The following STOX2 variants were observed in gnomAD, a reference collection of about 807,000 sequenced individuals.
STOX2 encodes the protein storkhead-box protein 2.
STOX2 carries 28 observed loss-of-function variants against 60.9 expected under a neutral mutation model. The observed-to-expected ratio is 0.46, with a 90% confidence interval of 0.34 to 0.63. STOX2 has a LOEUF of 0.63. Ranked by LOEUF, STOX2 falls within the 30% of genes least tolerant of loss-of-function variation. STOX2 has a pLI of 0.01. For synonymous variants in STOX2, 472 were observed against 463.9 expected (o/e 1.02, Z -0.22); for missense variants, 1,024 against 1,187.7 (o/e 0.86, Z 2.03).
chr4:183,925,656 T>C (rs1488728249), intron 1 of STOX2, among the ~76,000 whole-genome samples: 6 of 152,244 alleles, frequency 3.9e-5, no homozygotes, highest in Non-Finnish European at 8.8e-5. Flanking sequence ...AATGTTCCAC[T>C]AGACAATGTA....
chr4:183,996,182 A>G (rs1007506625), intron 1 of STOX2, among the ~76,000 whole-genome samples: 2 of 152,252 alleles, frequency 1.3e-5, no homozygotes, highest in Non-Finnish European at 2.9e-5. Context: ...TAGATTTGAC[A>G]AAAGTCCTCT....
intron 3 of STOX2, chr4:184,015,446 C>CTT (rs1314659902): frequency 6.6e-6 from 1 of 151,832 alleles, no homozygotes; most frequent in Non-Finnish European, 1.5e-5. Context: ...TGACTTCTCC[C>CTT]TATAAATGGA....
At chr4:183,823,667 G>GC (rs1260958469) in intron 1 of STOX2, among the ~76,000 whole-genome samples, 1 of 152,158 alleles carries the variant, frequency 6.6e-6, no homozygotes, top group Non-Finnish European at 1.5e-5. Context: ...ATAGCTCTGG[G>GC]CCCGAGAGAC....
At chr4:183,912,738 T>C (rs1741816491) in intron 1 of STOX2, among the ~76,000 whole-genome samples, 2 of 152,104 alleles carry the variant, frequency 1.3e-5, no homozygotes, top group African/African-American at 4.8e-5. Context: ...CTTATTCACA[T>C]CTCTATTTTG....
At chr4:183,917,237 T>C (rs922986822) in intron 1 of STOX2, among the ~76,000 whole-genome samples, 1 of 152,216 alleles carries the variant, frequency 6.6e-6, no homozygotes, top group Admixed American at 6.5e-5. Context: ...CAGGGGTTGA[T>C]GGAAGGAAGC....
chr4:183,955,545 T>C (rs1009300707), intron 1 of STOX2, among the ~76,000 whole-genome samples: 3 of 152,182 alleles, frequency 2.0e-5, no homozygotes, highest in Admixed American at 1.3e-4. Context: ...TCGGGACTAG[T>C]AGCTTTTAAG....
intron 1 of STOX2, among the ~76,000 whole-genome samples, chr4:183,958,274 A>T (rs1743313107): frequency 6.6e-6 from 1 of 152,130 alleles, no homozygotes; most frequent in South Asian, 2.1e-4. Flanking sequence ...CAGTGGACGG[A>T]GCTAGGAGAA....
intron 1 of STOX2, among the ~76,000 whole-genome samples, chr4:183,981,325 C>A (rs534764536): frequency 6.6e-6 from 1 of 152,004 alleles, no homozygotes; most frequent in East Asian, 1.9e-4. Context: ...AATTTCAGGG[C>A]GTCTTCACAG....
intron 1 of STOX2, among the ~76,000 whole-genome samples, chr4:183,930,316 C>T (rs1260146058): frequency 6.6e-6 from 1 of 151,922 alleles, no homozygotes; most frequent in East Asian, 1.9e-4. Flanking sequence ...CAGACGTGCG[C>T]CACCAAGCCC....
At position 183,991,638 on chromosome 4, in the gene STOX2, A is replaced by G. The variant is rs560422699; in HGVS notation, c.167-9687A>G. On this transcript the variant is annotated intron_variant, in intron 1 of 3. Coordinates refer to ENST00000308497, the MANE Select transcript of STOX2 (RefSeq NM_020225.3). The stretch of plus-strand genomic sequence containing the variant: ...GTGATGGGGTTTCTCCATGTTGGCC[A>G]GGCTGGTCTTGAACTCCTGACCTGA... 2.0e-5 allele frequency among the ~76,000 whole-genome samples: 3 copies of G among 152,282 alleles called. No individual in the cohort carries two copies. The South Asian group carries it at 6.2e-4, about 32-fold the overall frequency.
intron 1 of STOX2, among the ~76,000 whole-genome samples, chr4:183,861,467 AG>A (rs1299801093): frequency 6.6e-6 from 1 of 152,202 alleles, no homozygotes; most frequent in Non-Finnish European, 1.5e-5. Context: ...GAGAGCCTCT[AG>A]GGAGAGACAA....
chr4:183,973,668 G>T (rs917439659), intron 1 of STOX2, among the ~76,000 whole-genome samples: 2 of 152,180 alleles, frequency 1.3e-5, no homozygotes, highest in Non-Finnish European at 2.9e-5. Flanking sequence ...AGTAATACCT[G>T]AGTAAATATA....
chr4:184,013,318 ACTTGGGGTG>A (rs1734237296), intron 3 of STOX2, among the ~76,000 whole-genome samples: 1 of 152,226 alleles, frequency 6.6e-6, no homozygotes, highest in Admixed American at 6.5e-5. Context: ...CTATCTCTAA[ACTTGGGGTG>A]CAGAATATAG....
intron 1 of STOX2, among the ~76,000 whole-genome samples, chr4:183,919,381 C>T (rs1038074104): frequency 2.6e-5 from 4 of 152,086 alleles, no homozygotes; most frequent in African/African-American, 9.7e-5. Context: ...TGGGACTGGC[C>T]GTGGGCCAGC....
chr4:183,948,232 A>AAC (rs1241968428), intron 1 of STOX2, among the ~76,000 whole-genome samples: 2 of 150,554 alleles, frequency 1.3e-5, no homozygotes, highest in Non-Finnish European at 3.0e-5. Flanking sequence ...AAAAAAAAAA[A>AAC]AAAAAAAAAA....
chr4:183,823,398 A>T (rs6839992), intron 1 of STOX2, among the ~76,000 whole-genome samples: 6,365 of 152,296 alleles, frequency 0.042, 461 homozygotes, highest in African/African-American at 0.15. Flanking sequence ...CTCCGTCTAA[A>T]AACAAAACAA....
chr4:183,914,396 C>T (rs904552334), intron 1 of STOX2, among the ~76,000 whole-genome samples: 5 of 151,998 alleles, frequency 3.3e-5, no homozygotes, highest in African/African-American at 1.2e-4. Flanking sequence ...CGAGATTGTG[C>T]CACTGCACTC....
At chr4:183,804,258 C>G (rs137926058) in intron 1 of STOX2, among the ~76,000 whole-genome samples, 2 of 152,050 alleles carry the variant, frequency 1.3e-5, no homozygotes, top group Non-Finnish European at 2.9e-5. Flanking sequence ...GTGATAGAGC[C>G]GGGATGTGAA....
At chr4:183,827,876 C>CAAAA (rs59675177) in intron 1 of STOX2, among the ~76,000 whole-genome samples, 1 of 99,232 alleles carries the variant, frequency 1.0e-5, no homozygotes, top group Non-Finnish European at 2.1e-5. Context: ...AATCCTGCCT[C>CAAAA]AAAAAAAAAA....
Sources: allele counts gnomAD v4.1 joint callset (sites outside exome capture counted in the v4.1 genomes callset), GRCh38; gene constraint gnomAD v4.1.1; transcripts MANE v1.5; gene names NCBI Gene and HGNC (gene_info 2026-07-23, HGNC 2026-07-21).